MNAT1: variants seen among roughly 807,000 people sequenced by gnomAD.
MNAT1 encodes the protein CDK-activating kinase assembly factor MAT1.
A neutral mutation model predicts 42.0 loss-of-function variants in MNAT1; 43 were observed. The observed-to-expected ratio is 1.02, with a 90% confidence interval of 0.80 to 1.32. The LOEUF (loss-of-function observed/expected upper bound fraction) is 1.32, where lower values mean the gene tolerates loss of function less well. MNAT1 is among the 40% of genes most tolerant of loss of function. The pLI is 0.00. For synonymous variants in MNAT1, 118 were observed against 120.0 expected (o/e 0.98, Z 0.11); for missense variants, 306 against 350.4 (o/e 0.87, Z 1.01).
intron 1 of MNAT1, among the ~76,000 whole-genome samples, chr14:60,768,152 C>A (rs755711017): frequency 6.6e-6 from 1 of 152,152 alleles, no homozygotes; most frequent in Admixed American, 6.5e-5. Flanking sequence ...CCACCTGCTT[C>A]GACCTCCCAA....
At chr14:60,857,478 G>C (rs1249139898) in intron 6 of MNAT1, among the ~76,000 whole-genome samples, 1 of 152,148 alleles carries the variant, frequency 6.6e-6, no homozygotes, top group African/African-American at 2.4e-5. Flanking sequence ...GGTTTCTTGA[G>C]ATAGAATCTA....
At chr14:60,951,306 TGTCTTATTGTTATTATTG>T (rs2036380015) in intron 7 of MNAT1, among the ~76,000 whole-genome samples, 1 of 151,102 alleles carries the variant, frequency 6.6e-6, no homozygotes, top group Non-Finnish European at 1.5e-5. Context: ...GTTGCTACTT[TGTCTTATTGTTATTATTG>T]TTTTTGGCTC....
At chr14:60,898,030 C>A (rs2034993721) in intron 7 of MNAT1, among the ~76,000 whole-genome samples, 1 of 151,626 alleles carries the variant, frequency 6.6e-6, no homozygotes, top group African/African-American at 2.4e-5. Flanking sequence ...TGATGAACTC[C>A]AATTCCCTCC....
At chr14:60,887,277 T>C (rs35304386) in intron 7 of MNAT1, among the ~76,000 whole-genome samples, 70,204 of 150,472 alleles carry the variant, frequency 0.47, 20,304 homozygotes, top group Non-Finnish European at 0.62. Context: ...TTAGGGTACA[T>C]GTGCACAATG....
chr14:60,953,272 A>G (rs2036417786), intron 7 of MNAT1, among the ~76,000 whole-genome samples: 1 of 152,196 alleles, frequency 6.6e-6, no homozygotes. Flanking sequence ...CATGTCTGTT[A>G]GCGTGTAGGT....
At chr14:60,966,478 T>G (rs180768900) in intron 7 of MNAT1, among the ~76,000 whole-genome samples, 90 of 152,252 alleles carry the variant, frequency 5.9e-4, no homozygotes, top group East Asian at 5.0e-3. Flanking sequence ...TGAGGATATG[T>G]AAGATACAGT....
intron 6 of MNAT1, among the ~76,000 whole-genome samples, chr14:60,840,385 G>T (rs1359143923): frequency 2.0e-5 from 3 of 152,240 alleles, no homozygotes; most frequent in Non-Finnish European, 4.4e-5. Flanking sequence ...TATTTCTAAG[G>T]AAAGTGGTAA....
At chr14:60,866,363 G>A (rs1002733071) in intron 6 of MNAT1, among the ~76,000 whole-genome samples, 7 of 128,056 alleles carry the variant, frequency 5.5e-5, no homozygotes, top group African/African-American at 2.1e-4. Context: ...CCTTGTGCAT[G>A]TCACAGTATA....
rs141911923 is a variant in MNAT1, at chr14:60,933,185, C to G, written c.810-35044C>G. Among the ~76,000 whole-genome samples the G allele has an allele frequency of 1.5e-3, 234 of 152,062 alleles. 2 individuals are homozygous for G. The highest frequency in any genetic ancestry group is 5.4e-3 in the African/African-American group (226 of 41,510). ...AAGTATAATATAGAAAGTCCGGTCCCTTAGAATCTATTTGTATTATACTGA... is the reference window on the plus strand; with the variant it reads ...AAGTATAATATAGAAAGTCCGGTCCGTTAGAATCTATTTGTATTATACTGA... On this transcript the variant is annotated intron_variant, in intron 7 of 7. Coordinates refer to ENST00000261245, the MANE Select transcript of MNAT1 (RefSeq NM_002431.4).
chr14:60,812,735 G>A (rs1425717635), intron 5 of MNAT1, among the ~76,000 whole-genome samples: 1 of 152,090 alleles, frequency 6.6e-6, no homozygotes, highest in African/African-American at 2.4e-5. Context: ...CTCATCCTGT[G>A]CCTATAAAGA....
intron 6 of MNAT1, among the ~76,000 whole-genome samples, chr14:60,860,747 AAGGGC>A (rs2034078179): frequency 1.3e-5 from 2 of 152,140 alleles, no homozygotes. Flanking sequence ...GTGTTGGTCT[AAGGGC>A]ACATTTAATA....
intron 6 of MNAT1, among the ~76,000 whole-genome samples, chr14:60,841,220 C>A (rs182920026): frequency 6.6e-6 from 1 of 151,358 alleles, no homozygotes; most frequent in Admixed American, 6.6e-5. Flanking sequence ...TCTCTCACAC[C>A]TTTCTCTCTC....
At chr14:60,755,553 A>G (rs1402228333) in intron 1 of MNAT1, among the ~76,000 whole-genome samples, 9 of 152,220 alleles carry the variant, frequency 5.9e-5, no homozygotes. Flanking sequence ...TTGGGATTGT[A>G]GGCTAGTCAC....
intron 6 of MNAT1, among the ~76,000 whole-genome samples, chr14:60,862,702 CATA>C (rs1267904605): frequency 6.6e-6 from 1 of 152,146 alleles, no homozygotes; most frequent in East Asian, 1.9e-4. Context: ...GATGGAAAAT[CATA>C]AGAACCTTCA....
intron 1 of MNAT1, among the ~76,000 whole-genome samples, chr14:60,757,401 A>ACC (rs1315081979): frequency 2.0e-5 from 3 of 152,122 alleles, no homozygotes; most frequent in African/African-American, 4.8e-5. Flanking sequence ...TATTGTCCAC[A>ACC]CACACCCACA....
At chr14:60,922,647 C>G (rs1484298847) in intron 7 of MNAT1, among the ~76,000 whole-genome samples, 1 of 151,612 alleles carries the variant, frequency 6.6e-6, no homozygotes, top group East Asian at 1.9e-4. Flanking sequence ...TTTCTTAAAA[C>G]TTCTAGGGGA....
chr14:60,922,636 A>G (rs2035686079), intron 7 of MNAT1, among the ~76,000 whole-genome samples: 1 of 152,106 alleles, frequency 6.6e-6, no homozygotes, highest in African/African-American at 2.4e-5. Context: ...TCTGAAATAA[A>G]TTTCTTAAAA....
chr14:60,832,517 T>G (rs1174456483), intron 6 of MNAT1, among the ~76,000 whole-genome samples: 3 of 152,040 alleles, frequency 2.0e-5, no homozygotes, highest in Non-Finnish European at 2.9e-5. Flanking sequence ...TGAGGCCTCT[T>G]TTATGTTTCA....
At chr14:60,757,094 GC>G in intron 1 of MNAT1, among the ~76,000 whole-genome samples, 1 of 152,106 alleles carries the variant, frequency 6.6e-6, no homozygotes, top group Non-Finnish European at 1.5e-5. Flanking sequence ...GAAATCATAT[GC>G]AACTTTCTGG....
Sources: gnomAD v4.1 joint callset for allele counts (sites outside exome capture counted in the v4.1 genomes callset) on GRCh38, gnomAD v4.1.1 for gene constraint, MANE v1.5 for transcripts, NCBI Gene and HGNC (gene_info 2026-07-23, HGNC 2026-07-21) for gene names.